EIF3L: variants seen among roughly 807,000 people sequenced by gnomAD.
EIF3L encodes the protein eIEF associated protein HSPC021.
Under a neutral mutation model 74.6 loss-of-function variants are expected in EIF3L, and 32 were observed. The observed-to-expected ratio is 0.43, with a 90% confidence interval of 0.32 to 0.58. The LOEUF (loss-of-function observed/expected upper bound fraction) is 0.58, where lower values mean the gene tolerates loss of function less well. Ranked by LOEUF, EIF3L falls within the 20% of genes least tolerant of loss-of-function variation. The pLI, the probability that EIF3L is intolerant of heterozygous loss-of-function variation, is 0.06. For missense variants in EIF3L, 474 were observed against 707.8 expected (o/e 0.67, Z 3.75); for synonymous variants, 256 against 254.4 (o/e 1.01, Z -0.06).
chr22:37,877,403 C>G (rs1926809501), intron 10 of EIF3L: 2 of 415,836 alleles, frequency 4.8e-6, no homozygotes, highest in African/African-American at 4.0e-5. Context: ...AAAGGATTGA[C>G]CTGCTAGTGA....
intron 5 of EIF3L, among the ~76,000 whole-genome samples, chr22:37,861,512 C>T (rs184797882): frequency 2.4e-4 from 36 of 152,086 alleles, no homozygotes; most frequent in Non-Finnish European, 7.4e-5. Context: ...GGTGAAACCC[C>T]GTCTCTACTA....
chr22:37,863,374 A>G, intron 7 of EIF3L, 29 bp downstream of exon 7: 2 of 1,555,490 alleles, frequency 1.3e-6, no homozygotes, highest in Non-Finnish European at 1.8e-6. Flanking sequence ...CCTAATTTGA[A>G]ATAACTGGTC....
In EIF3L at chr22:37,849,447, G is replaced by T; in HGVS notation, c.-3G>T. 1 of 1,613,622 alleles carries T rather than the reference G, an allele frequency of 6.2e-7. No individual in the cohort carries two copies. The highest frequency in any genetic ancestry group is 8.5e-7 in the Non-Finnish European group (1 of 1,179,760). ...TCCGGCGGTGCTCGCAAGCGAGGCA[G>T]CCATGTCTTATCCCGCTGATGATTA... On this transcript the variant is annotated 5_prime_UTR_variant, in exon 1 of 13. Transcript: ENST00000652021.
At chr22:37,877,629 A>G in intron 10 of EIF3L, 45 bp from the exon 11 acceptor site, 1 of 1,540,570 alleles carries the variant, frequency 6.5e-7, no homozygotes, top group Non-Finnish European at 8.7e-7. Flanking sequence ...GACCTCAGGA[A>G]GTCCGTCTCA....
intron 11 of EIF3L, chr22:37,883,812 G>A (rs1277318383): frequency 2.0e-5 from 3 of 152,142 alleles, no homozygotes; most frequent in African/African-American, 7.2e-5. Flanking sequence ...TACTTGGGAG[G>A]CTGAGGCACA....
At chr22:37,868,464 T>TC (rs1035668684) in intron 7 of EIF3L, among the ~76,000 whole-genome samples, 91 of 148,910 alleles carry the variant, frequency 6.1e-4, no homozygotes, top group East Asian at 5.5e-3. Context: ...TCTTTTTTTT[T>TC]CCCCCCTAAG....
chr22:37,888,337 G>T, intron 12 of EIF3L, 89 bp from the exon 13 acceptor site: 1 of 1,417,294 alleles, frequency 7.1e-7, no homozygotes, highest in Non-Finnish European at 9.8e-7. Flanking sequence ...CAGAGGGGCA[G>T]CTGGGAATCT....
At chr22:37,871,798 G>A (rs1273444642) in intron 8 of EIF3L, among the ~76,000 whole-genome samples, 1 of 150,800 alleles carries the variant, frequency 6.6e-6, no homozygotes, top group African/African-American at 2.4e-5. Context: ...GAACCAGGGA[G>A]GCAGAGGTTG....
At position 37,875,966 on chromosome 22, in the gene EIF3L, G is replaced by A. The variant is rs1014851306; in HGVS notation, c.1032G>A (p.Gln344=). Residue 344 remains glutamine, a synonymous_variant, in exon 10 of 13, where the codon CAG becomes CAA. Transcript: ENST00000652021. ...TCGCCAACATCCTCCTCTACATCCAGAGGACCAAGAGCATGTTCCAGAGGA... is the reference window on the plus strand; with the variant it reads ...TCGCCAACATCCTCCTCTACATCCAAAGGACCAAGAGCATGTTCCAGAGGA... The part of the protein sequence containing the change: ...RVFANILLYI[Q]RTKSMFQRTT... The A allele has an allele frequency of 6.2e-7, 1 of 1,613,972 alleles. No homozygotes were observed. Among genetic ancestry groups the A allele is most frequent in the Non-Finnish European group, 8.5e-7 (1 of 1,180,024 alleles).
intron 2 of EIF3L, chr22:37,850,418 C>T (rs1360891175): frequency 4.2e-6 from 1 of 238,062 alleles, no homozygotes; most frequent in Non-Finnish European, 8.6e-6. Context: ...ACTGCAACCT[C>T]CGCGTCCCTC....
intron 7 of EIF3L, among the ~76,000 whole-genome samples, chr22:37,864,378 C>G (rs1042008270): frequency 6.6e-6 from 1 of 152,086 alleles, no homozygotes; most frequent in Admixed American, 6.6e-5. Context: ...TAAGTGTATG[C>G]TCGATCAGAA....
chr22:37,886,624 G>C, intron 11 of EIF3L, 141 bp from the exon 12 acceptor site: 2 of 552,574 alleles, frequency 3.6e-6, no homozygotes, highest in Non-Finnish European at 6.5e-6. Flanking sequence ...TTAACTGGTG[G>C]TGTTTTTCCA....
At chr22:37,859,374 C>CTTGTTTTTTTTTTTTTT (rs1925719351) in intron 5 of EIF3L, among the ~76,000 whole-genome samples, 3 of 79,162 alleles carry the variant, frequency 3.8e-5, no homozygotes, top group African/African-American at 1.1e-4. Context: ...CGTGAAGTTT[C>CTTGTTTTTTTTTTTTTT]TTTTTTTTTT....
chr22:37,878,213 C>T, intron 11 of EIF3L, 42 bp downstream of exon 11: 3 of 1,536,996 alleles, frequency 2.0e-6, no homozygotes, highest in Non-Finnish European at 2.6e-6. Context: ...ATTAAGTGTT[C>T]AGTATCTTTC....
chr22:37,868,978 T>C (rs1340381144), intron 7 of EIF3L, among the ~76,000 whole-genome samples: 1 of 152,122 alleles, frequency 6.6e-6, no homozygotes, highest in African/African-American at 2.4e-5. Context: ...GGTTTCACCA[T>C]GTTGGCCAAG....
At chr22:37,855,524 A>G (rs972864277) in intron 3 of EIF3L, 41 bp from the exon 4 acceptor site, 8 of 1,566,884 alleles carry the variant, frequency 5.1e-6, no homozygotes, top group Non-Finnish European at 7.0e-6. Flanking sequence ...GGCATTCTCC[A>G]GTCCTTTTGG....
intron 7 of EIF3L, among the ~76,000 whole-genome samples, chr22:37,868,885 G>A (rs146945861): frequency 7.3e-5 from 11 of 151,064 alleles, no homozygotes; most frequent in East Asian, 5.9e-4. Context: ...CAGGTAATCC[G>A]CCTGCATCGG....
At chr22:37,871,758 A>T (rs1926484824) in intron 8 of EIF3L, among the ~76,000 whole-genome samples, 2 of 151,110 alleles carry the variant, frequency 1.3e-5, no homozygotes, top group African/African-American at 4.9e-5. Flanking sequence ...AATCCCATCT[A>T]CTTGGGAGGC....
chr22:37,856,844 C>CAA (rs934266268), intron 4 of EIF3L, among the ~76,000 whole-genome samples: 2 of 110,886 alleles, frequency 1.8e-5, no homozygotes, highest in Admixed American at 9.4e-5. Flanking sequence ...AACTCCGCCT[C>CAA]AAAAAAAAAA....
Sources: gnomAD v4.1 joint callset for allele counts (sites outside exome capture counted in the v4.1 genomes callset) on GRCh38, gnomAD v4.1.1 for gene constraint, MANE v1.5 for transcripts, NCBI Gene and HGNC (gene_info 2026-07-23, HGNC 2026-07-21) for gene names.